FLII: variants seen among roughly 807,000 people sequenced by gnomAD.
FLII encodes the protein protein flightless-1 homolog.
In FLII, 101 loss-of-function variants were observed where a neutral mutation model predicts 156.2. The ratio of observed to expected loss-of-function variants is 0.65; its 90% CI spans 0.55 to 0.76. The LOEUF is 0.76. Among genes scored for constraint, FLII ranks in the 30% least tolerant of loss-of-function variants. The pLI, the probability that FLII is intolerant of heterozygous loss-of-function variation, is 0.00. For synonymous variants in FLII, 767 were observed against 685.8 expected (o/e 1.12, Z -1.85); for missense variants, 1,675 against 1,682.8 (o/e 1.00, Z 0.08).
intron 29 of FLII, 22 bp downstream of exon 29, chr17:18,245,332 G>T: frequency 6.2e-7 from 1 of 1,614,138 alleles, no homozygotes; most frequent in Non-Finnish European, 8.5e-7. Flanking sequence ...GCCCACCTCG[G>T]CCCTCCCTCC....
chr17:18,245,107 C>T lies in FLII; in HGVS notation c.*31G>A, dbSNP rs1452163619. 6.3e-7 allele frequency: 1 copy of T among 1,590,686 alleles called. No homozygotes were observed. The highest frequency in any genetic ancestry group is 1.1e-5 in the South Asian group (1 of 89,448). On this transcript the variant is annotated 3_prime_UTR_variant, in exon 30 of 30. Coordinates refer to ENST00000327031, the MANE Select transcript of FLII (RefSeq NM_002018.4). ...CAGTGGATGAGGCCCCTTCCTCTTC[C>T]TCACCAAGCCTGGGGCTGTGCCAGC...
intron 9 of FLII, among the ~76,000 whole-genome samples, chr17:18,252,882 C>G (rs1032374032): frequency 6.6e-6 from 1 of 152,154 alleles, no homozygotes; most frequent in African/African-American, 2.4e-5. Context: ...TTAACTGGGC[C>G]GGGCGTGGTG....
Position 18,248,051 on chromosome 17 carries a change from C to T in FLII, c.2191-18G>A, listed in dbSNP as rs2048144980. 6.3e-7 allele frequency: 1 copy of T among 1,576,664 alleles called. No homozygotes were observed. Among genetic ancestry groups the T allele is most frequent in the Non-Finnish European group, 8.7e-7 (1 of 1,147,406 alleles). On this transcript the variant is annotated intron_variant, in intron 18 of 29. Coordinates refer to ENST00000327031, the MANE Select transcript of FLII (RefSeq NM_002018.4). ...AGGCCCACCTGGCAGGAAGGATGAG[C>T]ATGGCAGGGAAGGGATCTGGAGACA...
At position 18,252,026 on chromosome 17, in the gene FLII, G is replaced by C; in HGVS notation, c.1219C>G (p.Pro407Ala). 1 of 1,613,140 alleles carries C rather than the reference G, an allele frequency of 6.2e-7. No individual in the cohort carries two copies. Among genetic ancestry groups the C allele is most frequent in the Non-Finnish European group, 8.5e-7 (1 of 1,179,916 alleles). The change falls in exon 11 of 30, where the codon CCT (proline) becomes GCT (alanine). Residue 407 changes from proline to alanine, a missense_variant. This residue lies in a region of FLII where 1,332 missense variants were observed against 1,269.3 expected (regional missense o/e 1.05). Coordinates refer to ENST00000327031, the MANE Select transcript of FLII (RefSeq NM_002018.4). Reference protein sequence around the residue: ...QNQLRLAGASPATVAAAAAAG... With the variant: ...QNQLRLAGASAATVAAAAAAG... Reference sequence around the variant, plus strand: ...GCTGCAGCTGCAGCCACGGTAGCAGGAGAGGCACCCGCTAGCCGCAGCTGG... The same window carrying C: ...GCTGCAGCTGCAGCCACGGTAGCAGCAGAGGCACCCGCTAGCCGCAGCTGG...
intron 12 of FLII, 92 bp downstream of exon 12, chr17:18,251,588 C>T: frequency 6.3e-7 from 1 of 1,581,658 alleles, no homozygotes; most frequent in Non-Finnish European, 8.6e-7. Flanking sequence ...CTGCCCAGCA[C>T]CCCCCGTCCC....
rs377248019 is a variant in FLII, at chr17:18,246,147, C to T, written c.3267+15G>A. ...CCTTGGTCCACGGAGTCCTGGCTCA[C>T]ACCCACAACCCCACCTTGAGGATGA... On this transcript the variant is annotated intron_variant, in intron 25 of 29. Transcript: ENST00000327031. The T allele has an allele frequency of 2.5e-6, 4 of 1,614,042 alleles. No individual in the cohort carries two copies. The African/African-American group carries it at 5.3e-5, about 22-fold the overall frequency.
At position 18,251,485 on chromosome 17, in the gene FLII, CAG is replaced by C; in HGVS notation, c.1384-10_1384-9del. 1.9e-6 allele frequency: 3 copies of C among 1,596,176 alleles called. No homozygotes were observed. The highest frequency in any genetic ancestry group is 2.7e-5 in the African/African-American group (2 of 74,830). On this transcript the variant is annotated splice_polypyrimidine_tract_variant and intron_variant, in intron 12 of 29. Coordinates refer to ENST00000327031, the MANE Select transcript of FLII (RefSeq NM_002018.4). ...CCGGGCATCTGCGCTCTCCTGGGGG[CAG>C]AGTCACAGAGCACGGCTTGACTCTG...
In FLII at chr17:18,247,252, G is replaced by A. The variant is rs750418958; in HGVS notation, c.2593C>T (p.Arg865Cys). The A allele has an allele frequency of 9.1e-5, 147 of 1,609,246 alleles. No individual in the cohort carries two copies. Among genetic ancestry groups the A allele is most frequent in the Non-Finnish European group, 1.1e-4 (134 of 1,179,748 alleles). ...ATCTGGTCTTTCTTCTCGGCGTCGC[G>A]TTTCACCTTCCCGGAGAGACCCGGG... Reference protein sequence around the residue: ...QSPGLSGKVKRDAEKKDQMKA... With the variant: ...QSPGLSGKVKCDAEKKDQMKA... The change falls in exon 21 of 30, where the codon CGC (arginine) becomes TGC (cysteine). Residue 865 changes from arginine (R) to cysteine (C), a missense_variant. Coordinates refer to ENST00000327031, the MANE Select transcript of FLII (RefSeq NM_002018.4).
chr17:18,253,666 G>A lies in FLII; in HGVS notation c.733C>T (p.Leu245Phe). 6.2e-7 allele frequency: 1 copy of A among 1,613,826 alleles called. No individual in the cohort carries two copies. Among genetic ancestry groups the A allele is most frequent in the African/African-American group, 1.3e-5 (1 of 75,046 alleles). Reference sequence around the variant, plus strand: ...AGGTTGAGGCGGCGCAGGCTGGGGAGGGTGTACAGACACTCGGGCACCCGT... The same window carrying A: ...AGGTTGAGGCGGCGCAGGCTGGGGAAGGTGTACAGACACTCGGGCACCCGT... ...LTRVPECLYTLPSLRRLNLSS... is the reference protein window; with the variant it reads ...LTRVPECLYTFPSLRRLNLSS... Residue 245 changes from leucine (L) to phenylalanine (F), a missense_variant, in exon 8 of 30, where the codon CTC (leucine) becomes TTC (phenylalanine). By Grantham distance (22) the Leu-to-Phe change is conservative (BLOSUM62 0). Transcript: ENST00000327031.
chr17:18,247,908 C>A, intron 19 of FLII, 21 bp downstream of exon 19: 2 of 1,613,340 alleles, frequency 1.2e-6, no homozygotes, highest in Non-Finnish European at 1.7e-6. Context: ...TGGCCCCACG[C>A]CCTCCTCCTG....
intron 20 of FLII, 143 bp from the exon 21 acceptor site, chr17:18,247,500 G>A (rs11872031): frequency 0.23 from 238,809 of 1,039,786 alleles, 28,609 homozygotes; most frequent in Middle Eastern, 0.28. Context: ...GTAGGAATAG[G>A]AGGGGCAGCT....
In FLII at chr17:18,247,250, G is replaced by C; in HGVS notation, c.2595C>G (p.Arg865=). Residue 865 remains arginine, a synonymous_variant, in exon 21 of 30, where the codon CGC becomes CGG. Transcript: ENST00000327031. The part of the protein sequence containing the change: ...QSPGLSGKVK[R]DAEKKDQMKA... ...TCATCTGGTCTTTCTTCTCGGCGTC[G>C]CGTTTCACCTTCCCGGAGAGACCCG... 1 of 1,608,360 alleles carries C rather than the reference G, an allele frequency of 6.2e-7. No homozygotes were observed. The highest frequency in any genetic ancestry group is 1.3e-5 in the African/African-American group (1 of 74,824).
chr17:18,247,122 T>TGGGGGGGGGGGGGG, intron 21 of FLII, 47 bp downstream of exon 21: 6 of 1,011,342 alleles, frequency 5.9e-6, no homozygotes, highest in Non-Finnish European at 8.0e-6. Context: ...GCCCTCGGCC[T>TGGGGGGGGGGGGGG]GCCCCCCACC....
intron 10 of FLII, 57 bp from the exon 11 acceptor site, chr17:18,252,203 A>C (rs2048294456): frequency 6.7e-7 from 1 of 1,500,204 alleles, no homozygotes; most frequent in Non-Finnish European, 9.2e-7. Flanking sequence ...TCCCAGACAC[A>C]CCAATCCAGT....
At chr17:18,249,273 C>A (rs1479470921) in intron 15 of FLII, 53 bp downstream of exon 15, 3 of 1,610,380 alleles carry the variant, frequency 1.9e-6, no homozygotes, top group East Asian at 4.5e-5. Flanking sequence ...CTCCCCTCCA[C>A]CCCTTGCCAG....
chr17:18,248,574 C>A lies in FLII; in HGVS notation c.2166G>T (p.Trp722Cys), dbSNP rs746569770. ...EIKKHVPEDF[W>C]PPQPKLYKVG... ...CCTTGTACAGCTTGGGCTGCGGCGG[C>A]CAGAAGTCTTCAGGCACGTGCTTCT... The change falls in exon 18 of 30, where the codon TGG becomes TGT. Residue 722 changes from tryptophan to cysteine, a missense_variant. Trp to Cys is a radical substitution (Grantham distance 215). Coordinates refer to ENST00000327031, the MANE Select transcript of FLII (RefSeq NM_002018.4). 11 of 1,611,760 alleles carry A rather than the reference C, an allele frequency of 6.8e-6. No homozygotes were observed. Among genetic ancestry groups the A allele is most frequent in the Non-Finnish European group, 9.3e-6 (11 of 1,179,228 alleles).
At chr17:18,249,821 CAAA>C (rs72485518) in intron 14 of FLII, among the ~76,000 whole-genome samples, 31,643 of 149,126 alleles carry the variant, frequency 0.21, 3,551 homozygotes, top group East Asian at 0.3. Context: ...CAAACAACAA[CAAA>C]AAAAACAGAT....
At chr17:18,252,974 G>A (rs2048314155) in intron 9 of FLII, among the ~76,000 whole-genome samples, 1 of 152,014 alleles carries the variant, frequency 6.6e-6, no homozygotes, top group Non-Finnish European at 1.5e-5. Flanking sequence ...AACATGGTGA[G>A]ACCCCATCTC....
chr17:18,253,318 G>C lies in FLII; in HGVS notation c.996C>G (p.Val332=). The C allele has an allele frequency of 6.2e-7, 1 of 1,613,894 alleles. No homozygotes were observed. Among genetic ancestry groups the C allele is most frequent in the Non-Finnish European group, 8.5e-7 (1 of 1,180,036 alleles). Residue 332 remains valine (V), a synonymous_variant, in exon 9 of 30, where the codon GTC becomes GTG. Coordinates refer to ENST00000327031, the MANE Select transcript of FLII (RefSeq NM_002018.4). ...CCCAGCACCTGCAGAGACTTTCAGG[G>C]ACCAGCTCCAGGTTGTTGTTGGCAG... The part of the protein sequence containing the change: ...FMAANNNLEL[V]PESLCRCPKL...
Sources: gnomAD v4.1 joint callset for allele counts (sites outside exome capture counted in the v4.1 genomes callset) on GRCh38, gnomAD v4.1.1 for gene constraint, gnomAD v4.1.1 regional missense constraint, MANE v1.5 for transcripts, NCBI Gene and HGNC (gene_info 2026-07-23, HGNC 2026-07-21) for gene names.